URB2: variants seen among roughly 807,000 people sequenced by gnomAD.
The protein encoded by URB2 is unhealthy ribosome biogenesis protein 2 homolog.
URB2 carries 86 observed loss-of-function variants against 120.9 expected under a neutral mutation model. The ratio of observed to expected loss-of-function variants is 0.71; its 90% CI spans 0.60 to 0.85. The LOEUF (loss-of-function observed/expected upper bound fraction) is 0.85. URB2 is among the 40% of genes least tolerant of loss of function. URB2 has a pLI of 0.00. For missense variants in URB2, 1,765 were observed against 1,836.5 expected (o/e 0.96, Z 0.71); for synonymous variants, 755 against 758.4 (o/e 1.00, Z 0.07).
intron 8 of URB2, among the ~76,000 whole-genome samples, chr1:229,652,041 G>T (rs1442375768): frequency 6.6e-6 from 1 of 152,096 alleles, no homozygotes; most frequent in East Asian, 1.9e-4. Flanking sequence ...AATTAGCTGG[G>T]CGTGATGGTG....
rs1383296715 is a variant in URB2 at position 229,636,442 on chromosome 1, C to T, written c.1829C>T (p.Ser610Phe). 8 of 1,614,266 alleles carry T rather than the reference C, an allele frequency of 5.0e-6. No homozygotes were observed. The highest frequency in any genetic ancestry group is 6.8e-6 in the Non-Finnish European group (8 of 1,180,046). Residue 610 changes from serine (S) to phenylalanine (F), a missense_variant, in exon 4 of 10, where the codon TCT becomes TTT. Ser to Phe is a radical substitution (Grantham distance 155). Transcript: ENST00000258243. ...QKVSDSVLLLSYTWAQVDAMF... is the reference protein window; with the variant it reads ...QKVSDSVLLLFYTWAQVDAMF... ...GTCAGTGACTCTGTGCTCCTGCTCTCTTACACTTGGGCCCAGGTGGACGCT... is the reference window on the plus strand; with the variant it reads ...GTCAGTGACTCTGTGCTCCTGCTCTTTTACACTTGGGCCCAGGTGGACGCT...
chr1:229,634,695 A>G (rs141341168), intron 3 of URB2, among the ~76,000 whole-genome samples: 33 of 152,314 alleles, frequency 2.2e-4, no homozygotes, highest in African/African-American at 4.3e-4. Flanking sequence ...CTAGATTTGC[A>G]TTGGTAGAAG....
At chr1:229,655,073 C>T (rs1460560784) in intron 9 of URB2, among the ~76,000 whole-genome samples, 4 of 152,140 alleles carry the variant, frequency 2.6e-5, no homozygotes, top group East Asian at 1.9e-4. Flanking sequence ...TTTACTCTGG[C>T]GGTGTGTCAC....
At chr1:229,652,466 A>G (rs558074302) in intron 8 of URB2, among the ~76,000 whole-genome samples, 1 of 152,338 alleles carries the variant, frequency 6.6e-6, no homozygotes, top group South Asian at 2.1e-4. Flanking sequence ...TTAACCAGAC[A>G]TCTTTTGAGA....
chr1:229,638,265 G>A lies in URB2; in HGVS notation c.3634+18G>A. 3 of 1,568,820 alleles carry A rather than the reference G, an allele frequency of 1.9e-6. No individual in the cohort carries two copies. The South Asian group carries it at 3.6e-5, about 19-fold the overall frequency. On this transcript the variant is annotated intron_variant, in intron 4 of 9. Coordinates refer to ENST00000258243, the MANE Select transcript of URB2 (RefSeq NM_014777.4). ...TCTTGCAGGTAAGATATTTTCTCTT[G>A]AGCTAATTCTGTGTTATAGAGGTCT... is the stretch of plus-strand genomic sequence containing the variant.
intron 7 of URB2, among the ~76,000 whole-genome samples, chr1:229,648,782 C>G (rs994954286): frequency 6.6e-6 from 1 of 152,284 alleles, no homozygotes; most frequent in Admixed American, 6.5e-5. Context: ...TGTAGGAACT[C>G]ATAGATACGA....
At position 229,659,597 on chromosome 1, in the gene URB2, G is replaced by A. The variant is rs545701589; in HGVS notation, c.*300G>A. 14 of 243,034 alleles carry A rather than the reference G, an allele frequency of 5.8e-5. No homozygotes were observed. Among genetic ancestry groups the A allele is most frequent in the African/African-American group, 1.6e-4 (7 of 45,142 alleles). 15.1% of individuals were successfully genotyped at this position (243,034 alleles called of 1,614,324 possible). A position where few individuals can be genotyped will look rare whatever the true frequency, so the allele number is the denominator to read the frequency against. ...TGGGACCTTTCTGTGTTTGGTTCTC[G>A]TCTTGGCTCAGTGGTTTGGTGTTCC... On this transcript the variant is annotated 3_prime_UTR_variant, in exon 10 of 10. Coordinates refer to ENST00000258243, the MANE Select transcript of URB2 (RefSeq NM_014777.4).
chr1:229,644,831 G>A (rs1018444064), intron 5 of URB2, among the ~76,000 whole-genome samples: 8 of 152,090 alleles, frequency 5.3e-5, no homozygotes, highest in African/African-American at 1.2e-4. Context: ...CCTGGCACTG[G>A]GTCTGTTTGT....
At chr1:229,642,410 A>C (rs1666032141) in intron 4 of URB2, among the ~76,000 whole-genome samples, 1 of 152,200 alleles carries the variant, frequency 6.6e-6, no homozygotes, top group South Asian at 2.1e-4. Flanking sequence ...ACTTGGACCT[A>C]GGTCTTTACC....
chr1:229,638,050 C>G lies in URB2; in HGVS notation c.3437C>G (p.Thr1146Arg), dbSNP rs141779194. 8 of 1,613,630 alleles carry G rather than the reference C, an allele frequency of 5.0e-6. No individual in the cohort carries two copies. Among genetic ancestry groups the G allele is most frequent in the Non-Finnish European group, 6.8e-6 (8 of 1,179,774 alleles). ...GADISQGSDRTLLSHVALYQG... is the reference protein window; with the variant it reads ...GADISQGSDRRLLSHVALYQG... Reference sequence around the variant, plus strand: ...GACATTTCCCAAGGAAGCGACAGGACGCTGCTCTCCCATGTTGCCCTCTAC... The same window carrying G: ...GACATTTCCCAAGGAAGCGACAGGAGGCTGCTCTCCCATGTTGCCCTCTAC... The change falls in exon 4 of 10, where the codon ACG (threonine) becomes AGG (arginine). Residue 1146 changes from threonine (T) to arginine (R), a missense_variant. Transcript: ENST00000258243.
At chr1:229,632,151 C>A (rs1201135972) in intron 2 of URB2, 118 bp from the exon 3 acceptor site, 1 of 751,872 alleles carries the variant, frequency 1.3e-6, no homozygotes, top group East Asian at 3.2e-5. Context: ...AAGAGAGGTT[C>A]TCCCCCGCCG....
At chr1:229,652,571 A>G (rs1571883032) in intron 8 of URB2, among the ~76,000 whole-genome samples, 6 of 152,260 alleles carry the variant, frequency 3.9e-5, no homozygotes, top group Admixed American at 3.9e-4. Flanking sequence ...TTCTTCCTGT[A>G]TCTGGTGCAG....
Position 229,659,537 on chromosome 1 carries a change from G to T in URB2, c.*240G>T, listed in dbSNP as rs1455744400. 1 of 383,914 alleles carries T rather than the reference G, an allele frequency of 2.6e-6. No homozygotes were observed. Among genetic ancestry groups the T allele is most frequent in the African/African-American group, 2.0e-5 (1 of 49,436 alleles). 23.8% of individuals were successfully genotyped at this position (383,914 alleles called of 1,614,324 possible). A position where few individuals can be genotyped will look rare whatever the true frequency, so the allele number is the denominator to read the frequency against. On this transcript the variant is annotated 3_prime_UTR_variant, in exon 10 of 10. Transcript: ENST00000258243. ...ATAGAATCCTGAAAATTGACCCTGG[G>T]ATGAGATTAATTCAATAGAAAAATT...
In URB2 at chr1:229,659,424, T is replaced by C; in HGVS notation, c.*127T>C. On this transcript the variant is annotated 3_prime_UTR_variant, in exon 10 of 10. Transcript: ENST00000258243. Reference sequence around the variant, plus strand: ...GTATTGGTATACATAGAAAATCCTTTGGGGTTTATGTAGTATATTTTGATG... The same window carrying C: ...GTATTGGTATACATAGAAAATCCTTCGGGGTTTATGTAGTATATTTTGATG... The C allele has an allele frequency of 1.0e-6, 1 of 996,462 alleles. No individual in the cohort carries two copies. The highest frequency in any genetic ancestry group is 1.5e-6 in the Non-Finnish European group (1 of 686,294). 61.7% of individuals were successfully genotyped at this position (996,462 alleles called of 1,614,324 possible). A position where few individuals can be genotyped will look rare whatever the true frequency, so the allele number is the denominator to read the frequency against.
chr1:229,627,670 A>G lies in URB2; in HGVS notation c.37A>G (p.Lys13Glu). The G allele has an allele frequency of 6.2e-7, 1 of 1,613,782 alleles. No individual in the cohort carries two copies. The highest frequency in any genetic ancestry group is 8.5e-7 in the Non-Finnish European group (1 of 1,179,808). Residue 13 changes from lysine to glutamate, a missense_variant, in exon 2 of 10, where the codon AAA (lysine) becomes GAA (glutamate). Coordinates refer to ENST00000258243, the MANE Select transcript of URB2 (RefSeq NM_014777.4). Reference protein sequence around the residue: ...AVYSGISLKLKSKTTSWEDKL... With the variant: ...AVYSGISLKLESKTTSWEDKL... ...TTATTCTGGCATTTCCCTTAAGCTT[A>G]AAAGCAAGACAACTTCCTGGGAAGA...
chr1:229,630,585 A>G (rs527662655), intron 2 of URB2, among the ~76,000 whole-genome samples: 14 of 152,350 alleles, frequency 9.2e-5, no homozygotes, highest in African/African-American at 1.7e-4. Context: ...GGGATGGTAA[A>G]TGAGCACTGG....
intron 5 of URB2, 106 bp from the exon 6 acceptor site, chr1:229,645,753 A>G (rs564379967): frequency 3.1e-6 from 3 of 967,602 alleles, no homozygotes; most frequent in East Asian, 4.8e-5. Flanking sequence ...AGGGCTCTCA[A>G]TCCACTCCAA....
intron 4 of URB2, among the ~76,000 whole-genome samples, chr1:229,639,421 G>A (rs1209598733): frequency 2.7e-5 from 4 of 147,356 alleles, no homozygotes; most frequent in African/African-American, 1.0e-4. Flanking sequence ...TGCAAGCTCC[G>A]CTTCCCGGGT....
At chr1:229,644,490 TG>T (rs1211187046) in intron 5 of URB2, among the ~76,000 whole-genome samples, 8 of 152,046 alleles carry the variant, frequency 5.3e-5, no homozygotes. Context: ...GGGACTTGAT[TG>T]GGGAGCAGAG....
Sources: allele counts gnomAD v4.1 joint callset (sites outside exome capture counted in the v4.1 genomes callset), GRCh38; gene constraint gnomAD v4.1.1; transcripts MANE v1.5; gene names NCBI Gene and HGNC (gene_info 2026-07-23, HGNC 2026-07-21).